Variants in COL25A1 observed in about 807,000 individuals in gnomAD.
The protein encoded by COL25A1 is collagen type XXV alpha 1 chain.
In COL25A1, 103 loss-of-function variants were observed where a neutral mutation model predicts 128.4. The ratio of observed to expected loss-of-function variants is 0.80; its 90% CI spans 0.68 to 0.94. COL25A1 has a LOEUF of 0.94. Ranked by LOEUF, COL25A1 falls within the 40% of genes least tolerant of loss-of-function variation. The probability of loss-of-function intolerance (pLI) is 0.00; values close to 1 mark genes in which losing one functional copy is unlikely to be tolerated. For synonymous variants in COL25A1, 279 were observed against 277.2 expected (o/e 1.01, Z -0.06); for missense variants, 745 against 840.0 (o/e 0.89, Z 1.40).
At chr4:109,158,795 TTCAAAAAC>T (rs972770589) in intron 3 of COL25A1, among the ~76,000 whole-genome samples, 3 of 152,220 alleles carry the variant, frequency 2.0e-5, no homozygotes, top group African/African-American at 7.2e-5. Context: ...AGTTACCTGC[TTCAAAAAC>T]TCAAAAGGAA....
chr4:109,153,756 A>G (rs759555154), intron 3 of COL25A1, among the ~76,000 whole-genome samples: 33 of 152,226 alleles, frequency 2.2e-4, no homozygotes, highest in Non-Finnish European at 3.8e-4. Context: ...CATGGTTATG[A>G]GTTCTAGGGA....
At chr4:108,840,480 A>G (rs1734321983) in intron 31 of COL25A1, among the ~76,000 whole-genome samples, 1 of 152,108 alleles carries the variant, frequency 6.6e-6, no homozygotes, top group African/African-American at 2.4e-5. Context: ...AGAGGCATGA[A>G]CACATTCTTG....
At chr4:109,158,582 C>T (rs1772250538) in intron 3 of COL25A1, among the ~76,000 whole-genome samples, 1 of 152,122 alleles carries the variant, frequency 6.6e-6, no homozygotes, top group Non-Finnish European at 1.5e-5. Context: ...AAAAAGAAGA[C>T]TAAGTCGTGG....
At chr4:109,117,490 T>C (rs1013492096) in intron 3 of COL25A1, among the ~76,000 whole-genome samples, 2 of 151,936 alleles carry the variant, frequency 1.3e-5, no homozygotes, top group Non-Finnish European at 2.9e-5. Flanking sequence ...TGGAACCACC[T>C]TGCAATAAAT....
intron 15 of COL25A1, among the ~76,000 whole-genome samples, chr4:108,897,132 A>G (rs1742238855): frequency 6.6e-6 from 1 of 151,786 alleles, no homozygotes; most frequent in South Asian, 2.1e-4. Context: ...TTCCCTTTCC[A>G]TCTGTATAAA....
At chr4:109,101,545 C>T (rs765627238) in intron 3 of COL25A1, among the ~76,000 whole-genome samples, 7 of 152,070 alleles carry the variant, frequency 4.6e-5, no homozygotes, top group African/African-American at 7.2e-5. Context: ...ACAAAATGTA[C>T]GAAAGAAAAA....
At chr4:108,979,331 A>G (rs1752733698) in intron 6 of COL25A1, among the ~76,000 whole-genome samples, 1 of 152,242 alleles carries the variant, frequency 6.6e-6, no homozygotes, top group Admixed American at 6.5e-5. Context: ...ACTAAAAACA[A>G]AGAGAGGCAC....
chr4:109,049,313 TGATAA>T (rs1560596768), intron 4 of COL25A1, among the ~76,000 whole-genome samples: 1 of 152,192 alleles, frequency 6.6e-6, no homozygotes, highest in Non-Finnish European at 1.5e-5. Flanking sequence ...ATTAATGGCC[TGATAA>T]GACTTTATGT....
chr4:108,909,951 A>G (rs895264571), intron 13 of COL25A1, among the ~76,000 whole-genome samples: 3 of 152,146 alleles, frequency 2.0e-5, no homozygotes, highest in African/African-American at 7.2e-5. Flanking sequence ...ACAGTGCTGC[A>G]CGGCCACCCA....
chr4:108,816,277 T>G (rs562298451), intron 37 of COL25A1, among the ~76,000 whole-genome samples: 32 of 152,304 alleles, frequency 2.1e-4, no homozygotes, highest in Non-Finnish European at 4.7e-4. Context: ...TATTCAGGAT[T>G]TTCTCACCAA....
At chr4:108,924,932 C>T (rs757098282) in intron 11 of COL25A1, among the ~76,000 whole-genome samples, 12 of 152,266 alleles carry the variant, frequency 7.9e-5, no homozygotes, top group Non-Finnish European at 1.6e-4. Flanking sequence ...GGGTTAGGTG[C>T]CCTTCTTTTG....
intron 3 of COL25A1, among the ~76,000 whole-genome samples, chr4:109,145,705 G>C (rs953890284): frequency 3.9e-5 from 6 of 152,126 alleles, no homozygotes; most frequent in African/African-American, 1.2e-4. Context: ...GCCAGGCATG[G>C]TGGTGGGTGC....
Position 108,863,331 on chromosome 4 carries a change from G to A in COL25A1, c.1140C>T (p.Ala380=), listed in dbSNP as rs529389009. The A allele has an allele frequency of 3.2e-5, 51 of 1,613,580 alleles. No homozygotes were observed. The highest frequency in any genetic ancestry group is 3.9e-5 in the Non-Finnish European group (46 of 1,179,838). ...PGRGERGEPG[A]PGPKGKQGES... The stretch of plus-strand genomic sequence containing the variant: ...AAGAATAACTCACCTTTGGTCCGGG[G>A]GCTCCAGGTTCCCCTCGCTCACCTC... Residue 380 remains alanine (A), a synonymous_variant, in exon 21 of 38, where the codon GCC becomes GCT. Transcript: ENST00000399132.
chr4:109,176,897 C>T (rs1774157658), intron 3 of COL25A1, among the ~76,000 whole-genome samples: 1 of 152,122 alleles, frequency 6.6e-6, no homozygotes, highest in South Asian at 2.1e-4. Flanking sequence ...AAACCCAAGG[C>T]CAGATCTCCC....
Position 108,821,378 on chromosome 4 carries a change from G to A in COL25A1, c.1846-2049C>T, listed in dbSNP as rs115665680. Among the ~76,000 whole-genome samples, 913 of 152,256 alleles carry A rather than the reference G, an allele frequency of 6.0e-3. 6 individuals are homozygous for A. The highest frequency in any genetic ancestry group is 0.021 in the African/African-American group (868 of 41,562). ...GGAAGTAAGATGGGAAGAACATTCA[G>A]GAGTAAGTTGGTCACTCACTCAAGA... On this transcript the variant is annotated intron_variant, in intron 35 of 37. Coordinates refer to ENST00000399132, the MANE Select transcript of COL25A1 (RefSeq NM_198721.4).
intron 6 of COL25A1, among the ~76,000 whole-genome samples, chr4:109,010,037 A>G (rs1427720670): frequency 1.3e-5 from 2 of 152,258 alleles, no homozygotes; most frequent in African/African-American, 2.4e-5. Context: ...TAATCAGTAC[A>G]TAATGCAAAC....
intron 3 of COL25A1, among the ~76,000 whole-genome samples, chr4:109,255,930 T>C (rs1781049198): frequency 6.6e-6 from 1 of 152,186 alleles, no homozygotes; most frequent in Non-Finnish European, 1.5e-5. Context: ...CAAGTGGCAG[T>C]CCAGAAGTCA....
At position 108,936,800 on chromosome 4, in the gene COL25A1, AATAT is replaced by A. The variant is rs138668509; in HGVS notation, c.708+1004_708+1007del. Among the ~76,000 whole-genome samples the A allele has an allele frequency of 6.7e-3, 901 of 134,726 alleles. 15 individuals carry two copies. In the East Asian group the frequency reaches 0.073, roughly 11 times the overall value. 88.4% of individuals were successfully genotyped at this position (134,726 alleles called of 152,430 possible). ...TTCACTAGGACCTACCTGTTTCTTA[AATAT>A]ATATATATATATATATATATTTAGA... On this transcript the variant is annotated intron_variant, in intron 11 of 37. Coordinates refer to ENST00000399132, the MANE Select transcript of COL25A1 (RefSeq NM_198721.4).
intron 24 of COL25A1, among the ~76,000 whole-genome samples, chr4:108,855,659 A>G (rs958242705): frequency 6.6e-6 from 1 of 152,186 alleles, no homozygotes; most frequent in Non-Finnish European, 1.5e-5. Flanking sequence ...GAGCTGCAAA[A>G]TAAAAGAATA....
Sources: allele counts gnomAD v4.1 joint callset (sites outside exome capture counted in the v4.1 genomes callset), GRCh38; gene constraint gnomAD v4.1.1; transcripts MANE v1.5; gene names NCBI Gene and HGNC (gene_info 2026-07-23, HGNC 2026-07-21).